KLHL5: variants seen among roughly 807,000 people sequenced by gnomAD.
The protein encoded by KLHL5 is kelch-like protein 5.
A neutral mutation model predicts 77.7 loss-of-function variants in KLHL5; 48 were observed. That is an observed-to-expected ratio of 0.62 (90% CI 0.49 to 0.79). KLHL5 has a LOEUF of 0.79. Among genes scored for constraint, KLHL5 ranks in the 30% least tolerant of loss-of-function variants. KLHL5 has a pLI of 0.00. For missense variants in KLHL5, 723 were observed against 859.7 expected (o/e 0.84, Z 1.99); for synonymous variants, 260 against 297.0 (o/e 0.88, Z 1.28).
intron 9 of KLHL5, among the ~76,000 whole-genome samples, chr4:39,114,817 CA>C (rs1160412350): frequency 6.6e-6 from 1 of 152,046 alleles, no homozygotes; most frequent in Non-Finnish European, 1.5e-5. Flanking sequence ...CAAGACAGCC[CA>C]AAAATGGACA....
chr4:39,047,791 A>G (rs1716310531), intron 1 of KLHL5, among the ~76,000 whole-genome samples: 1 of 152,192 alleles, frequency 6.6e-6, no homozygotes, highest in Non-Finnish European at 1.5e-5. Context: ...TATCACAAAC[A>G]CTATTTGTAC....
chr4:39,053,679 T>C (rs1716815752), intron 1 of KLHL5, among the ~76,000 whole-genome samples: 2 of 152,208 alleles, frequency 1.3e-5, no homozygotes, highest in Admixed American at 1.3e-4. Flanking sequence ...GTCATCAAGC[T>C]GAAGGAATGT....
intron 5 of KLHL5, 67 bp downstream of exon 5, chr4:39,086,794 A>G (rs1720081373): frequency 4.3e-6 from 5 of 1,151,550 alleles, no homozygotes; most frequent in South Asian, 2.6e-5. Flanking sequence ...ATAATTGTAC[A>G]TGTATTCCTA....
intron 2 of KLHL5, among the ~76,000 whole-genome samples, chr4:39,079,396 T>C (rs1399033065): frequency 6.6e-6 from 1 of 152,212 alleles, no homozygotes; most frequent in Non-Finnish European, 1.5e-5. Context: ...AGTATTGTCC[T>C]ATTGGTCTCT....
At chr4:39,060,282 A>G (rs1294383996), upstream of KLHL5, among the ~76,000 whole-genome samples, 1 of 152,168 alleles carries the variant, frequency 6.6e-6, no homozygotes, top group Non-Finnish European at 1.5e-5. Flanking sequence ...GTGAAAGGCT[A>G]TATGTACCAA....
At chr4:39,051,767 A>G (rs1716669264) in intron 1 of KLHL5, among the ~76,000 whole-genome samples, 1 of 152,134 alleles carries the variant, frequency 6.6e-6, no homozygotes, top group African/African-American at 2.4e-5. Flanking sequence ...CTCTTACACA[A>G]CTCCATAGAC....
In KLHL5 at chr4:39,113,865, G is replaced by A. The variant is rs146961521; in HGVS notation, c.1901+633G>A. Among the ~76,000 whole-genome samples, 13 of 152,204 alleles carry A rather than the reference G, an allele frequency of 8.5e-5. No homozygotes were observed. In the East Asian group the frequency reaches 1.2e-3, roughly 14 times the overall value. On this transcript the variant is annotated intron_variant, in intron 9 of 10. Transcript: ENST00000504108. ...GGGAGGGAAAGGCAGGAAAGGAGGC[G>A]GAGTGGGCAGGGTGGTGCAGATCAT...
At position 39,075,945 on chromosome 4, in the gene KLHL5, G is replaced by A. The variant is rs778552244; in HGVS notation, c.384-20G>A. ...ATGTGATAGTGATATTTCAAAATGT[G>A]TGTTTTTTTTTCTTTTCAGGACTTC... On this transcript the variant is annotated intron_variant, in intron 1 of 10. Coordinates refer to ENST00000504108, the MANE Select transcript of KLHL5 (RefSeq NM_015990.5). 3.7e-5 allele frequency: 58 copies of A among 1,582,756 alleles called. No homozygotes were observed. Among genetic ancestry groups the A allele is most frequent in the Non-Finnish European group, 4.7e-5 (55 of 1,167,212 alleles).
rs1577645080 is a variant in KLHL5, at chr4:39,062,921, T to C, written c.269T>C (p.Val90Ala). The C allele has an allele frequency of 2.5e-6, 4 of 1,614,126 alleles. No homozygotes were observed. The East Asian group carries it at 8.9e-5, about 36-fold the overall frequency. ...PSWPMASTSE[V>A]PAFEFTAEDC... ...TGGCCAATGGCATCCACCTCTGAAGTCCCTGCATTTGAGTTTACAGCAGAA... is the reference window on the plus strand; with the variant it reads ...TGGCCAATGGCATCCACCTCTGAAGCCCCTGCATTTGAGTTTACAGCAGAA... The change falls in exon 1 of 11, where the codon GTC (valine) becomes GCC (alanine). Residue 90 changes from valine (V) to alanine (A), a missense_variant. Physicochemically the swap from Val to Ala is moderately conservative, Grantham distance 64. Around this residue, in one of 3 missense-constraint regions of KLHL5, gnomAD observed 221 missense variants for 222.1 expected, o/e 1.00. Transcript: ENST00000504108.
At chr4:39,061,459 A>G (rs1029537773), upstream of KLHL5, among the ~76,000 whole-genome samples, 3 of 152,196 alleles carry the variant, frequency 2.0e-5, no homozygotes, top group Non-Finnish European at 2.9e-5. Flanking sequence ...ATTTGGTTCA[A>G]TAGCTAGATT....
upstream of KLHL5, among the ~76,000 whole-genome samples, chr4:39,060,347 A>G (rs1274479898): frequency 6.6e-6 from 1 of 152,092 alleles, no homozygotes; most frequent in African/African-American, 2.4e-5. Flanking sequence ...TTGGCAAAAT[A>G]AAGGTATCAT....
At chr4:39,062,100 G>A (rs972129677), upstream of KLHL5, 1 of 325,838 alleles carries the variant, frequency 3.1e-6, no homozygotes, top group Non-Finnish European at 4.4e-6. Flanking sequence ...ATTTCACTTA[G>A]GGACTTAGTT....
chr4:39,069,556 A>G (rs1409268942), intron 1 of KLHL5, among the ~76,000 whole-genome samples: 1 of 51,788 alleles, frequency 1.9e-5, no homozygotes, highest in Admixed American at 2.3e-4. Context: ...ATATATATAT[A>G]TATATATATA....
chr4:39,070,257 C>G (rs539307858), intron 1 of KLHL5, among the ~76,000 whole-genome samples: 1 of 152,158 alleles, frequency 6.6e-6, no homozygotes, highest in South Asian at 2.1e-4. Flanking sequence ...TGTGTGGTTT[C>G]CCAAAAAGTA....
At chr4:39,078,806 T>C (rs1661990330) in intron 2 of KLHL5, among the ~76,000 whole-genome samples, 2 of 152,078 alleles carry the variant, frequency 1.3e-5, no homozygotes, top group Admixed American at 1.3e-4. Flanking sequence ...TGTACTCTGC[T>C]TGGAGGATGG....
At chr4:39,046,944 A>C (rs146231383) in intron 1 of KLHL5, among the ~76,000 whole-genome samples, 229 of 152,334 alleles carry the variant, frequency 1.5e-3, no homozygotes, top group African/African-American at 5.2e-3. Flanking sequence ...TCTTGCAACA[A>C]GATTCTGAGC....
chr4:39,075,641 T>C (rs971116488), intron 1 of KLHL5, among the ~76,000 whole-genome samples: 3 of 152,216 alleles, frequency 2.0e-5, no homozygotes, highest in Admixed American at 6.5e-5. Context: ...TTAGGAGATG[T>C]GGTTATCAAT....
At chr4:39,086,904 C>CCTT (rs1553890723) in intron 5 of KLHL5, among the ~76,000 whole-genome samples, 177 bp downstream of exon 5, 33 of 78,354 alleles carry the variant, frequency 4.2e-4, no homozygotes, top group Non-Finnish European at 6.4e-4. Context: ...AAGTAACATT[C>CCTT]TTTTTTTTTT....
chr4:39,045,336 C>T (rs1039466610), intron 1 of KLHL5, among the ~76,000 whole-genome samples: 41 of 151,214 alleles, frequency 2.7e-4, no homozygotes, highest in Non-Finnish European at 4.9e-4. Context: ...CTGCGCACCC[C>T]CGAGCGCCGG....
Sources: gnomAD v4.1 joint callset for allele counts (sites outside exome capture counted in the v4.1 genomes callset) on GRCh38, gnomAD v4.1.1 for gene constraint, gnomAD v4.1.1 regional missense constraint, MANE v1.5 for transcripts, NCBI Gene and HGNC (gene_info 2026-07-23, HGNC 2026-07-21) for gene names.